The following SYNE1 variants were observed in gnomAD, a reference collection of about 807,000 sequenced individuals.
SYNE1 encodes nesprin-1.
In SYNE1, 616 loss-of-function variants were observed where a neutral mutation model predicts 1,111.0. That is an observed-to-expected ratio of 0.55 (90% CI 0.52 to 0.59). The LOEUF is 0.59. Ranked by LOEUF, SYNE1 falls within the 20% of genes least tolerant of loss-of-function variation. The probability of loss-of-function intolerance (pLI) is 0.00; values close to 1 mark genes in which losing one functional copy is unlikely to be tolerated. For missense variants in SYNE1, 10,006 were observed against 10,417.0 expected, an observed-to-expected ratio of 0.96 and a Z score of 1.72; for synonymous variants, 3,855 against 3,825.8, an observed-to-expected ratio of 1.01 and a Z score of -0.28.
chr6:152,444,512 C>T lies in SYNE1; in HGVS notation c.3736G>A (p.Glu1246Lys), dbSNP rs138915528. 1.9e-5 allele frequency: 30 copies of T among 1,613,484 alleles called. No homozygotes were observed. Among genetic ancestry groups the T allele is most frequent in the Admixed American group, 5.0e-5 (3 of 59,990 alleles). The change falls in exon 30 of 146, where the codon GAA becomes AAA. Residue 1246 changes from glutamate to lysine, a missense_variant. Around this residue, in one of 7 missense-constraint regions of SYNE1, gnomAD observed 1,971 missense variants for 2,084.1 expected, o/e 0.95. Coordinates refer to ENST00000367255, the MANE Select transcript of SYNE1 (RefSeq NM_182961.4). The stretch of plus-strand genomic sequence containing the variant: ...TCTTTAGAGCCAGAAATTAATTCTT[C>T]GAGAGAATTTTTGACTATTTCTTTG... ...QYKEIVKNSL[E>K]ELISGSKEVQ...
At chr6:152,162,046 A>G (rs905619939) in intron 131 of SYNE1, among the ~76,000 whole-genome samples, 3 of 152,184 alleles carry the variant, frequency 2.0e-5, no homozygotes, top group Admixed American at 2.0e-4. Context: ...TGCTTTCTCC[A>G]GAGAGTAATC....
At position 152,511,379 on chromosome 6, in the gene SYNE1, A is replaced by G. The variant is rs12192150; in HGVS notation, c.310-276T>C. Reference sequence around the variant, plus strand: ...GAAAAAATATAACATGCAGGCAATTACCAACAAAAATGTCAAACAGAAAAA... The same window carrying G: ...GAAAAAATATAACATGCAGGCAATTGCCAACAAAAATGTCAAACAGAAAAA... On this transcript the variant is annotated intron_variant, in intron 6 of 145. Transcript: ENST00000367255. 0.065 allele frequency among the ~76,000 whole-genome samples: 9,939 copies of G among 152,260 alleles called. 452 individuals carry two copies. Among genetic ancestry groups the G allele is most frequent in the Middle Eastern group, 0.16 (47 of 294 alleles).
chr6:152,369,926 T>A (rs2097149273), intron 59 of SYNE1, among the ~76,000 whole-genome samples: 1 of 128,826 alleles, frequency 7.8e-6, no homozygotes, highest in African/African-American at 3.1e-5. Flanking sequence ...GAGGTTGCAG[T>A]GAACTGAGAT....
chr6:152,378,999 A>G (rs1192163601), intron 56 of SYNE1, among the ~76,000 whole-genome samples: 1 of 152,194 alleles, frequency 6.6e-6, no homozygotes, highest in Admixed American at 6.5e-5. Context: ...AATTCCAAAC[A>G]CTAAACTAGG....
intron 3 of SYNE1, among the ~76,000 whole-genome samples, chr6:152,623,814 A>G (rs925932964): frequency 6.6e-6 from 1 of 152,274 alleles, no homozygotes; most frequent in Middle Eastern, 3.4e-3. Context: ...ACAGGATGCC[A>G]AGCTTTTTCT....
chr6:152,359,296 G>A lies in SYNE1; in HGVS notation c.10443+19C>T. The A allele has an allele frequency of 6.2e-7, 1 of 1,613,344 alleles. No homozygotes were observed. The highest frequency in any genetic ancestry group is 8.5e-7 in the Non-Finnish European group (1 of 1,179,926). On this transcript the variant is annotated intron_variant, in intron 65 of 145. Transcript: ENST00000367255. ...CACTCCCCTTTTGGTGAGTCTACAA[G>A]GAAAGTGCTTTGCCGTACCTTGGCC...
intron 102 of SYNE1, among the ~76,000 whole-genome samples, chr6:152,256,249 T>C (rs893869724): frequency 5.3e-5 from 8 of 150,130 alleles, no homozygotes; most frequent in African/African-American, 2.0e-4. Flanking sequence ...TGAAACCCCG[T>C]CTTCACTAAA....
intron 51 of SYNE1, 152 bp from the exon 52 acceptor site, chr6:152,391,720 C>T: frequency 1.1e-6 from 1 of 943,978 alleles, no homozygotes; most frequent in East Asian, 2.6e-5. Context: ...GGGAACTGAC[C>T]TGGTTATTTC....
At chr6:152,144,722 T>TC (rs1307043097) in intron 137 of SYNE1, 2 of 152,446 alleles carry the variant, frequency 1.3e-5, no homozygotes, top group African/African-American at 4.8e-5. Context: ...AACTGAAGCG[T>TC]AAACTAGTAA....
intron 122 of SYNE1, 133 bp from the exon 123 acceptor site, chr6:152,213,892 T>A: frequency 7.6e-7 from 1 of 1,315,930 alleles, no homozygotes; most frequent in Non-Finnish European, 1.0e-6. Flanking sequence ...TGTCAGGTGG[T>A]AAAATTATTT....
intron 6 of SYNE1, among the ~76,000 whole-genome samples, chr6:152,512,063 T>TA (rs1200950722): frequency 2.0e-5 from 3 of 151,478 alleles, no homozygotes; most frequent in Non-Finnish European, 2.9e-5. Context: ...GTGTTATTAA[T>TA]AAAAAGCTCA....
At chr6:152,552,820 G>A (rs2099352001) in intron 3 of SYNE1, among the ~76,000 whole-genome samples, 1 of 152,080 alleles carries the variant, frequency 6.6e-6, no homozygotes, top group South Asian at 2.1e-4. Flanking sequence ...GATCTAGCGT[G>A]GCGTTAGTGA....
At chr6:152,334,612 C>T (rs1206226679) in intron 76 of SYNE1, among the ~76,000 whole-genome samples, 1 of 152,132 alleles carries the variant, frequency 6.6e-6, no homozygotes, top group Non-Finnish European at 1.5e-5. Context: ...CCTTTGTTTT[C>T]TAAGAATTTT....
intron 3 of SYNE1, among the ~76,000 whole-genome samples, chr6:152,571,270 AG>A (rs2099454938): frequency 6.6e-6 from 1 of 152,192 alleles, no homozygotes; most frequent in African/African-American, 2.4e-5. Flanking sequence ...ACTGATTACT[AG>A]GCTTGCTTTT....
intron 45 of SYNE1, among the ~76,000 whole-genome samples, chr6:152,405,931 T>C (rs1243391205): frequency 1.3e-5 from 2 of 152,148 alleles, no homozygotes; most frequent in Non-Finnish European, 2.9e-5. Context: ...CCTTACTCTA[T>C]TTCTCTTTAC....
intron 105 of SYNE1, among the ~76,000 whole-genome samples, chr6:152,245,489 A>G (rs77858297): frequency 0.017 from 2,611 of 152,220 alleles, 33 homozygotes; most frequent in Middle Eastern, 0.058. Flanking sequence ...CATGTGTCCA[A>G]TGTTCTCTTT....
Position 152,318,960 on chromosome 6 carries a change from C to T in SYNE1, c.16292G>A (p.Ser5431Asn), listed in dbSNP as rs769438205. 4 of 1,614,208 alleles carry T rather than the reference C, an allele frequency of 2.5e-6. No homozygotes were observed. Among genetic ancestry groups the T allele is most frequent in the Admixed American group, 3.3e-5 (2 of 60,022 alleles). Residue 5431 changes from serine (S) to asparagine (N), a missense_variant, in exon 85 of 146, where the codon AGC becomes AAC. Ser to Asn is a conservative substitution (Grantham distance 46, BLOSUM62 1). Around this residue, in one of 7 missense-constraint regions of SYNE1, gnomAD observed 4,955 missense variants for 5,017.2 expected, o/e 0.99. Transcript: ENST00000367255. ...EQSKATSQEL[S>N]RQIQKLAKDL... ...TTTAGCTAACTTCTGAATTTGCCGGCTGAGTTCCTGGCTCGTGGCCTTGCT... is the reference window on the plus strand; with the variant it reads ...TTTAGCTAACTTCTGAATTTGCCGGTTGAGTTCCTGGCTCGTGGCCTTGCT...
intron 137 of SYNE1, chr6:152,145,471 G>T: frequency 1.2e-6 from 2 of 1,613,300 alleles, no homozygotes; most frequent in Non-Finnish European, 1.7e-6. Context: ...GGCTGGCTCC[G>T]GCTTGTTGTG....
chr6:152,251,620 G>A (rs946987354), intron 104 of SYNE1, among the ~76,000 whole-genome samples: 1 of 151,010 alleles, frequency 6.6e-6, no homozygotes, highest in South Asian at 2.1e-4. Context: ...TTAGCCGGGC[G>A]TAGTGGCGGG....
Sources: gnomAD v4.1 joint callset for allele counts (sites outside exome capture counted in the v4.1 genomes callset) on GRCh38, gnomAD v4.1.1 for gene constraint, gnomAD v4.1.1 regional missense constraint, MANE v1.5 for transcripts, NCBI Gene and HGNC (gene_info 2026-07-23, HGNC 2026-07-21) for gene names.